SORCS1: variants seen among roughly 807,000 people sequenced by gnomAD.
The protein encoded by SORCS1 is sortilin related VPS10 domain containing receptor 1.
In SORCS1, 60 loss-of-function variants were observed where a neutral mutation model predicts 146.1. The observed-to-expected ratio is 0.41, with a 90% CI of 0.33 to 0.51. The LOEUF (loss-of-function observed/expected upper bound fraction) is 0.51, where lower values mean the gene tolerates loss of function less well. Among genes scored for constraint, SORCS1 ranks in the 20% least tolerant of loss-of-function variants. The pLI, the probability that SORCS1 is intolerant of heterozygous loss-of-function variation, is 0.21. For missense variants in SORCS1, 1,352 were observed against 1,487.6 expected, an observed-to-expected ratio of 0.91 and a Z score of 1.50; for synonymous variants, 637 against 584.0, an observed-to-expected ratio of 1.09 and a Z score of -1.31.
At chr10:106,668,910 A>T (rs1362102737) in intron 16 of SORCS1, among the ~76,000 whole-genome samples, 1 of 152,162 alleles carries the variant, frequency 6.6e-6, no homozygotes, top group Non-Finnish European at 1.5e-5. Flanking sequence ...ATCACCTTTC[A>T]TTACACTACA....
At chr10:107,027,167 G>C (rs1958444879) in intron 1 of SORCS1, among the ~76,000 whole-genome samples, 1 of 151,504 alleles carries the variant, frequency 6.6e-6, no homozygotes, top group Admixed American at 6.6e-5. Context: ...AGAAAGCCTG[G>C]TTATGTGATT....
chr10:107,166,949 G>C (rs757990364), upstream of SORCS1, among the ~76,000 whole-genome samples: 1 of 152,168 alleles, frequency 6.6e-6, no homozygotes, highest in East Asian at 1.9e-4. Flanking sequence ...AAGAATGCTC[G>C]TACAAGTAGA....
intron 2 of SORCS1, among the ~76,000 whole-genome samples, chr10:106,956,094 AC>A (rs1806488644): frequency 6.6e-6 from 1 of 150,914 alleles, no homozygotes; most frequent in African/African-American, 2.4e-5. Flanking sequence ...GCGCCATTGC[AC>A]TCCAGCCTGG....
At chr10:106,661,180 G>A (rs574316001) in intron 17 of SORCS1, among the ~76,000 whole-genome samples, 14 of 152,244 alleles carry the variant, frequency 9.2e-5, no homozygotes, top group African/African-American at 2.6e-4. Context: ...TATAGATACC[G>A]AAAGAGAAAC....
chr10:106,829,537 T>C, intron 3 of SORCS1, 37 bp downstream of exon 3: 1 of 1,478,820 alleles, frequency 6.8e-7, no homozygotes, highest in Non-Finnish European at 9.3e-7. Context: ...AGAAGTCACA[T>C]CATGAATGAG....
intron 2 of SORCS1, among the ~76,000 whole-genome samples, chr10:106,893,828 A>G (rs1213232631): frequency 6.6e-6 from 1 of 152,192 alleles, no homozygotes; most frequent in Non-Finnish European, 1.5e-5. Context: ...TTATCCCTCC[A>G]GCTCTTCGGG....
chr10:107,165,867 T>A (rs1338606452), upstream of SORCS1, among the ~76,000 whole-genome samples: 2 of 152,206 alleles, frequency 1.3e-5, no homozygotes, highest in African/African-American at 4.8e-5. This position sits in a 1 kb window ranked among gnomAD's most constrained non-coding sequence, Gnocchi z 4.0. Flanking sequence ...TAGATGACCT[T>A]TAAAATCCCT....
At chr10:106,706,757 G>A (rs902309274) in intron 7 of SORCS1, 123 bp from the exon 8 acceptor site, 22 of 835,682 alleles carry the variant, frequency 2.6e-5, no homozygotes, top group Non-Finnish European at 3.9e-5. Flanking sequence ...TGTCTATTGC[G>A]GACAAGTGTA....
At chr10:106,994,212 A>C (rs1956901867) in intron 1 of SORCS1, among the ~76,000 whole-genome samples, 1 of 152,202 alleles carries the variant, frequency 6.6e-6, no homozygotes, top group Non-Finnish European at 1.5e-5. Flanking sequence ...GGAAACCTGC[A>C]TGATACTGAA....
chr10:106,714,421 T>C (rs1855219025), intron 6 of SORCS1, among the ~76,000 whole-genome samples: 1 of 152,082 alleles, frequency 6.6e-6, no homozygotes, highest in Admixed American at 6.5e-5. Context: ...ATTAGTAATA[T>C]TATTCCAATG....
At chr10:107,045,312 T>A (rs1363180521) in intron 1 of SORCS1, among the ~76,000 whole-genome samples, 9 of 152,322 alleles carry the variant, frequency 5.9e-5, no homozygotes, top group Admixed American at 4.6e-4. Flanking sequence ...CCTGGTGGTT[T>A]TCAGGTAAGT....
At chr10:107,108,940 A>G (rs1965492586) in intron 1 of SORCS1, among the ~76,000 whole-genome samples, 1 of 152,378 alleles carries the variant, frequency 6.6e-6, no homozygotes, top group East Asian at 1.9e-4. Flanking sequence ...GAAACCAGCA[A>G]GGCAGTCATT....
chr10:107,050,995 C>T (rs577344668), intron 1 of SORCS1, among the ~76,000 whole-genome samples: 1 of 152,090 alleles, frequency 6.6e-6, no homozygotes, highest in South Asian at 2.1e-4. Flanking sequence ...AAGTTTTCTT[C>T]CTTCTTTCCT....
intron 5 of SORCS1, among the ~76,000 whole-genome samples, chr10:106,737,710 C>CA (rs34296864): frequency 2.5e-4 from 38 of 150,778 alleles, no homozygotes; most frequent in African/African-American, 6.3e-4. Context: ...CCACCCCCAC[C>CA]AAAAAAGGAT....
chr10:106,946,090 A>T (rs1276844671), intron 2 of SORCS1, among the ~76,000 whole-genome samples: 3 of 152,232 alleles, frequency 2.0e-5, no homozygotes, highest in African/African-American at 7.2e-5. Flanking sequence ...GAGGTCACGT[A>T]GCACATTATT....
intron 1 of SORCS1, among the ~76,000 whole-genome samples, chr10:107,007,404 A>C (rs1379389744): frequency 6.6e-5 from 10 of 152,198 alleles, no homozygotes; most frequent in Admixed American, 6.5e-4. Context: ...GAGGAAGCCC[A>C]AGGAACCCTT....
intron 1 of SORCS1, among the ~76,000 whole-genome samples, chr10:107,135,022 G>C (rs1473859381): frequency 6.6e-6 from 1 of 152,198 alleles, no homozygotes; most frequent in East Asian, 1.9e-4. Context: ...GATCTGTCCT[G>C]TCTGAACACA....
chr10:106,714,727 C>A (rs1360081338), intron 6 of SORCS1, among the ~76,000 whole-genome samples: 1 of 152,118 alleles, frequency 6.6e-6, no homozygotes, highest in Non-Finnish European at 1.5e-5. Context: ...AAAGAGTTGG[C>A]AATCTTTACA....
At chr10:106,763,750 A>G (rs1423704738) in intron 4 of SORCS1, among the ~76,000 whole-genome samples, 1 of 152,230 alleles carries the variant, frequency 6.6e-6, no homozygotes, top group African/African-American at 2.4e-5. Flanking sequence ...AGCAGATGCT[A>G]TCAAACTACC....
Sources: allele counts gnomAD v4.1 joint callset (sites outside exome capture counted in the v4.1 genomes callset), GRCh38; gene constraint gnomAD v4.1.1; non-coding constraint Gnocchi (gnomAD v3.1); transcripts MANE v1.5; gene names NCBI Gene and HGNC (gene_info 2026-07-23, HGNC 2026-07-21).